Variants in UBE2L3 observed in about 807,000 individuals in gnomAD.
UBE2L3 encodes the protein ubiquitin-conjugating enzyme E2 L3.
In UBE2L3, 1 loss-of-function variant was observed where a neutral mutation model predicts 17.8. That is an observed-to-expected ratio of 0.06 (90% CI 0.02 to 0.27). UBE2L3 has a LOEUF of 0.27. Among genes scored for constraint, UBE2L3 ranks in the 10% least tolerant of loss-of-function variants. The probability of loss-of-function intolerance (pLI) is 1.00; values close to 1 mark genes in which losing one functional copy is unlikely to be tolerated. For synonymous variants in UBE2L3, 44 were observed against 68.5 expected, an observed-to-expected ratio of 0.64 and a Z score of 1.76; for missense variants, 40 against 192.6, an observed-to-expected ratio of 0.21 and a Z score of 4.69.
At chr22:21,600,219 A>G (rs1053371994) in intron 2 of UBE2L3, among the ~76,000 whole-genome samples, 1 of 152,172 alleles carries the variant, frequency 6.6e-6, no homozygotes, top group Non-Finnish European at 1.5e-5. Context: ...AGGCTCAGCC[A>G]GGAGAATCGC....
chr22:21,581,210 C>A (rs150514613), intron 1 of UBE2L3, among the ~76,000 whole-genome samples: 17 of 152,206 alleles, frequency 1.1e-4, no homozygotes, highest in African/African-American at 4.1e-4. Context: ...TGAACACTAC[C>A]ATGCACAGCT....
upstream of UBE2L3, chr22:21,567,685 GGCTCCA>G: frequency 6.4e-7 from 1 of 1,555,732 alleles, no homozygotes; most frequent in Admixed American, 2.0e-5. Flanking sequence ...GAAGTGCGGG[GGCTCCA>G]GCCGCCCGGC....
intron 1 of UBE2L3, among the ~76,000 whole-genome samples, chr22:21,555,769 T>C (rs1926203213): frequency 6.7e-6 from 1 of 149,294 alleles, no homozygotes; most frequent in Non-Finnish European, 1.5e-5. Flanking sequence ...CTGTCTCTAT[T>C]AAAAATACAA....
intron 1 of UBE2L3, among the ~76,000 whole-genome samples, chr22:21,592,148 C>T (rs996199584): frequency 6.6e-6 from 1 of 152,146 alleles, no homozygotes; most frequent in Non-Finnish European, 1.5e-5. Flanking sequence ...ACAACAATAA[C>T]CCCACATATT....
At chr22:21,557,422 A>G (rs1039945349) in intron 1 of UBE2L3, among the ~76,000 whole-genome samples, 1 of 152,280 alleles carries the variant, frequency 6.6e-6, no homozygotes, top group Non-Finnish European at 1.5e-5. Context: ...ATAATAATAA[A>G]TAAAAATAAA....
chr22:21,587,782 C>G (rs1365437175), intron 1 of UBE2L3, among the ~76,000 whole-genome samples: 1 of 152,176 alleles, frequency 6.6e-6, no homozygotes. Flanking sequence ...AAGTAACCAT[C>G]CCTCTCTGCC....
intron 2 of UBE2L3, among the ~76,000 whole-genome samples, chr22:21,593,949 G>A (rs1928395996): frequency 6.6e-6 from 1 of 152,102 alleles, no homozygotes; most frequent in Non-Finnish European, 1.5e-5. Flanking sequence ...CATCATAGAT[G>A]ATTATGCCAG....
intron 1 of UBE2L3, among the ~76,000 whole-genome samples, chr22:21,560,400 G>A (rs545690266): frequency 9.2e-5 from 14 of 152,032 alleles, no homozygotes; most frequent in African/African-American, 1.9e-4. Context: ...CAGGACAGAC[G>A]TATCTTCTGT....
chr22:21,561,998 G>A (rs1926449328), intron 1 of UBE2L3, among the ~76,000 whole-genome samples: 1 of 152,064 alleles, frequency 6.6e-6, no homozygotes, highest in Admixed American at 6.6e-5. Flanking sequence ...CCCAGCAGAG[G>A]CACTTTCTTT....
intron 1 of UBE2L3, chr22:21,568,431 T>G (rs2148397534): frequency 1.0e-6 from 1 of 985,422 alleles, no homozygotes; most frequent in Admixed American, 6.1e-5. Context: ...GGCGCGGTTC[T>G]GCTTCCCTCT....
intron 1 of UBE2L3, among the ~76,000 whole-genome samples, chr22:21,559,273 A>C (rs1255927190): frequency 1.3e-5 from 2 of 151,930 alleles, no homozygotes; most frequent in African/African-American, 2.4e-5. Flanking sequence ...GCTTTAACCT[A>C]GGAAGTGGAG....
chr22:21,572,721 C>G (rs1927049747), intron 1 of UBE2L3, among the ~76,000 whole-genome samples: 1 of 152,152 alleles, frequency 6.6e-6, no homozygotes, highest in Non-Finnish European at 1.5e-5. Flanking sequence ...CTGAGCCAGA[C>G]TCCAACCACT....
intron 1 of UBE2L3, among the ~76,000 whole-genome samples, chr22:21,577,311 G>A (rs377555347): frequency 3.6e-4 from 55 of 152,024 alleles, no homozygotes; most frequent in African/African-American, 1.3e-3. Flanking sequence ...CATGGTGTTG[G>A]CCAGGCTGGT....
chr22:21,558,495 G>C (rs1253771710), intron 1 of UBE2L3, among the ~76,000 whole-genome samples: 1 of 152,174 alleles, frequency 6.6e-6, no homozygotes, highest in Non-Finnish European at 1.5e-5. Flanking sequence ...GCCAGGTGTG[G>C]TGGCGGGCGC....
At chr22:21,563,337 C>G (rs131658), upstream of UBE2L3, among the ~76,000 whole-genome samples, 43,070 of 147,342 alleles carry the variant, frequency 0.29, 7,237 homozygotes, top group East Asian at 0.51. Flanking sequence ...AGATCACGAG[C>G]TCAGGAGATC....
At chr22:21,576,492 G>T (rs112638133) in intron 1 of UBE2L3, among the ~76,000 whole-genome samples, 12,091 of 151,834 alleles carry the variant, frequency 0.08, 1,662 homozygotes, top group African/African-American at 0.28. Context: ...TAGAGACGGG[G>T]TTTCACCATG....
chr22:21,598,837 C>T (rs1928699104), intron 2 of UBE2L3, among the ~76,000 whole-genome samples: 1 of 140,958 alleles, frequency 7.1e-6, no homozygotes, highest in Non-Finnish European at 1.5e-5. Flanking sequence ...CCCCCACCCG[C>T]CTAGTTCCAT....
chr22:21,552,872 C>T lies in UBE2L3; in HGVS notation c.201+3222C>T, dbSNP rs539159280. 1.1e-4 allele frequency among the ~76,000 whole-genome samples: 14 copies of T among 133,112 alleles called. No individual in the cohort carries two copies. In the South Asian group the frequency reaches 1.5e-3, roughly 14 times the overall value. The allele number at this position is 133,112 out of a possible 152,430, so 87.3% of individuals were successfully genotyped here. ...TCAAGTAGCTGGGACTACAGGTGCC[C>T]GCCACCACGCCTGGCTAATTTTTTT... is the stretch of plus-strand genomic sequence containing the variant. On this transcript the variant is annotated intron_variant, in intron 1 of 3. Coordinates refer to the UBE2L3 transcript ENST00000458578.
intron 1 of UBE2L3, among the ~76,000 whole-genome samples, chr22:21,558,220 TGAG>T (rs1459037978): frequency 6.6e-6 from 1 of 151,644 alleles, no homozygotes; most frequent in African/African-American, 2.4e-5. Flanking sequence ...TGCCTGGCCT[TGAG>T]GAGGGGAATG....
Sources: gnomAD v4.1 joint callset for allele counts (sites outside exome capture counted in the v4.1 genomes callset) on GRCh38, gnomAD v4.1.1 for gene constraint, MANE v1.5 for transcripts, NCBI Gene and HGNC (gene_info 2026-07-23, HGNC 2026-07-21) for gene names.